ZFP64: variants seen among roughly 807,000 people sequenced by gnomAD.
ZFP64 encodes ZFP64 zinc finger protein, also known as zinc finger protein 64.
Under a neutral mutation model 51.6 loss-of-function variants are expected in ZFP64, and 14 were observed. That is an observed-to-expected ratio of 0.27 (90% CI 0.18 to 0.42). The LOEUF (loss-of-function observed/expected upper bound fraction) is 0.42, where lower values mean the gene tolerates loss of function less well. Among genes scored for constraint, ZFP64 ranks in the 10% least tolerant of loss-of-function variants. The probability of loss-of-function intolerance (pLI) is 1.00; values close to 1 mark genes in which losing one functional copy is unlikely to be tolerated. For synonymous variants in ZFP64, 375 were observed against 361.4 expected (o/e 1.04, Z -0.43); for missense variants, 754 against 906.8 (o/e 0.83, Z 2.16).
chr20:52,088,417 G>A lies in ZFP64; in HGVS notation c.1203C>T (p.Leu401=), dbSNP rs6096740. The stretch of plus-strand genomic sequence containing the variant: ...CCGTGTGAGATCGCAGGTGGACGGT[G>A]AGCTGGCTGGAGTTGCGGCTGGCAT... Residue 401 remains leucine (L), a synonymous_variant, in exon 8 of 9, where the codon CTC becomes CTT. Coordinates refer to the ZFP64 transcript ENST00000361387. 9,185 of 1,611,792 alleles carry A rather than the reference G, an allele frequency of 5.7e-3. 468 individuals are homozygous for A. In the African/African-American group the frequency reaches 0.11, roughly 19 times the overall value.
At chr20:52,105,315 C>A (rs917430563) in intron 5 of ZFP64, 8 of 1,255,568 alleles carry the variant, frequency 6.4e-6, no homozygotes, top group South Asian at 3.4e-5. Context: ...TCGGAAATTA[C>A]CCCCCTTCGG....
chr20:52,112,771 C>G (rs955195482), intron 5 of ZFP64, among the ~76,000 whole-genome samples: 2 of 151,920 alleles, frequency 1.3e-5, no homozygotes, highest in Non-Finnish European at 2.9e-5. Context: ...CATGCCACCA[C>G]ACCCAGGCTA....
In ZFP64 at chr20:52,160,688, A is replaced by C. The variant is rs1343935313; in HGVS notation, c.512-314T>G. The stretch of plus-strand genomic sequence containing the variant: ...ACGTAAAATAGTAACAGTTTTGTTA[A>C]TTTTCCCTTGTATTCACTCTCTCCT... On this transcript the variant is annotated intron_variant, in intron 4 of 5. Coordinates refer to ENST00000216923, the MANE Select transcript of ZFP64 (RefSeq NM_018197.3). This position sits in a 1 kb window ranked among gnomAD's most constrained non-coding sequence, Gnocchi z 4.2. Among the ~76,000 whole-genome samples the C allele has an allele frequency of 6.6e-6, 1 of 152,182 alleles. No individual in the cohort carries two copies. The highest frequency in any genetic ancestry group is 1.5e-5 in the Non-Finnish European group (1 of 68,028).
intron 2 of ZFP64, among the ~76,000 whole-genome samples, chr20:52,170,973 A>G (rs1481427505): frequency 6.6e-6 from 1 of 152,194 alleles, no homozygotes; most frequent in Admixed American, 6.5e-5. Flanking sequence ...TGGGCATGCA[A>G]TTTTAAGTAG....
At chr20:52,142,533 A>G (rs1389818080) in intron 5 of ZFP64, among the ~76,000 whole-genome samples, 1 of 151,730 alleles carries the variant, frequency 6.6e-6, no homozygotes, top group Non-Finnish European at 1.5e-5. Context: ...GTATCCCTTA[A>G]ATTTATACCA....
intron 5 of ZFP64, among the ~76,000 whole-genome samples, chr20:52,116,310 A>G (rs1262944498): frequency 6.6e-6 from 1 of 150,812 alleles, no homozygotes; most frequent in Non-Finnish European, 1.5e-5. Flanking sequence ...TTATTTTTGT[A>G]TTTTTAGTAG....
intron 4 of ZFP64, among the ~76,000 whole-genome samples, chr20:52,162,681 T>A (rs183727716): frequency 8.2e-4 from 125 of 152,244 alleles, no homozygotes; most frequent in African/African-American, 2.8e-3. Context: ...AGTCATCAAA[T>A]TTAAAAATCC....
intron 5 of ZFP64, among the ~76,000 whole-genome samples, chr20:52,156,726 G>A (rs1398011948): frequency 6.6e-6 from 1 of 152,182 alleles, no homozygotes; most frequent in Admixed American, 6.5e-5. Flanking sequence ...ACAGAGTATT[G>A]GTTTTGAGAT....
chr20:52,097,613 C>G (rs1475517447), intron 6 of ZFP64, among the ~76,000 whole-genome samples: 1 of 152,048 alleles, frequency 6.6e-6, no homozygotes, highest in Non-Finnish European at 1.5e-5. Flanking sequence ...TGCCACCACG[C>G]CTGGCTAATT....
At chr20:52,131,694 C>A (rs557320937) in intron 5 of ZFP64, among the ~76,000 whole-genome samples, 46 of 152,214 alleles carry the variant, frequency 3.0e-4, no homozygotes, top group Non-Finnish European at 5.9e-4. Flanking sequence ...TATATGCATC[C>A]AACTCTGGAG....
At chr20:52,179,845 G>C (rs556422068) in intron 2 of ZFP64, among the ~76,000 whole-genome samples, 2 of 152,206 alleles carry the variant, frequency 1.3e-5, no homozygotes. Context: ...GCACCAGCAA[G>C]TGGGGCTAAT....
intron 1 of ZFP64, among the ~76,000 whole-genome samples, chr20:52,189,599 C>T (rs374537332): frequency 4.0e-5 from 6 of 151,710 alleles, no homozygotes; most frequent in African/African-American, 1.2e-4. Flanking sequence ...CCTCAGCCTC[C>T]GGAGTATCTG....
chr20:52,144,930 A>G (rs533600299), intron 5 of ZFP64, among the ~76,000 whole-genome samples: 235 of 152,318 alleles, frequency 1.5e-3, no homozygotes, highest in Non-Finnish European at 2.0e-3. Flanking sequence ...GATAAGGTAT[A>G]CAACCTGAAC....
In ZFP64 at chr20:52,191,029, T is replaced by C. The variant is rs892290359; in HGVS notation, c.46+562A>G. ...ACCAGGGACTTGAAAAACGCTGATG[T>C]CCTCCTCGGTTAAATAAAAACTGAA... On this transcript the variant is annotated intron_variant, in intron 1 of 5. Transcript: ENST00000216923. The surrounding 1 kb of genome is among the most constrained non-coding windows in gnomAD (Gnocchi z 4.3). Among the ~76,000 whole-genome samples the C allele has an allele frequency of 4.6e-5, 7 of 152,026 alleles. No homozygotes were observed. Among genetic ancestry groups the C allele is most frequent in the Admixed American group, 4.6e-4 (7 of 15,256 alleles).
intron 5 of ZFP64, among the ~76,000 whole-genome samples, chr20:52,104,470 G>A (rs1056255901): frequency 6.6e-6 from 1 of 152,136 alleles, no homozygotes; most frequent in Non-Finnish European, 1.5e-5. Context: ...TCCCCACCAC[G>A]GCTCCCACTT....
chr20:52,187,315 A>G (rs1361927731), intron 1 of ZFP64, among the ~76,000 whole-genome samples: 1 of 152,120 alleles, frequency 6.6e-6, no homozygotes, highest in Non-Finnish European at 1.5e-5. Flanking sequence ...CATAATGTAA[A>G]TATCTTAGAA....
chr20:52,175,949 C>T (rs1441300222), intron 2 of ZFP64: 3 of 984,832 alleles, frequency 3.0e-6, no homozygotes, highest in East Asian at 1.1e-4. Flanking sequence ...CGGCCTTTAC[C>T]GTCCACAGTG....
downstream of ZFP64, among the ~76,000 whole-genome samples, chr20:52,150,806 A>G (rs1175648907): frequency 2.0e-5 from 3 of 152,214 alleles, no homozygotes; most frequent in Non-Finnish European, 2.9e-5. Context: ...GGCTTAAGGT[A>G]CAAATATGGA....
intron 5 of ZFP64, chr20:52,105,536 A>T (rs1162892142): frequency 3.1e-6 from 1 of 323,884 alleles, no homozygotes; most frequent in Non-Finnish European, 5.5e-6. Context: ...CTGCATTTTA[A>T]CAAGATCCCC....
Sources: gnomAD v4.1 joint callset for allele counts (sites outside exome capture counted in the v4.1 genomes callset) on GRCh38, gnomAD v4.1.1 for gene constraint, Gnocchi (gnomAD v3.1) non-coding constraint, MANE v1.5 for transcripts, NCBI Gene and HGNC (gene_info 2026-07-23, HGNC 2026-07-21) for gene names.